SNRNP200: variants seen among roughly 807,000 people sequenced by gnomAD.
The protein encoded by SNRNP200 is U5 small nuclear ribonucleoprotein 200 kDa helicase.
A neutral mutation model predicts 255.2 loss-of-function variants in SNRNP200; 66 were observed. That is an observed-to-expected ratio of 0.26 (90% CI 0.21 to 0.32). SNRNP200 has a LOEUF of 0.32. Ranked by LOEUF, SNRNP200 falls within the 10% of genes least tolerant of loss-of-function variation. The pLI, the probability that SNRNP200 is intolerant of heterozygous loss-of-function variation, is 1.00. For missense variants in SNRNP200, 1,585 were observed against 2,749.8 expected, an observed-to-expected ratio of 0.58 and a Z score of 9.47; for synonymous variants, 939 against 1,027.8, an observed-to-expected ratio of 0.91 and a Z score of 1.65.
chr2:96,279,241 G>A, intron 36 of SNRNP200: 1 of 649,462 alleles, frequency 1.5e-6, no homozygotes, highest in Non-Finnish European at 2.7e-6. Flanking sequence ...AGTAGAGGGT[G>A]AAGACCTCAA....
chr2:96,290,176 A>G lies in SNRNP200; in HGVS notation c.2742+150T>C, dbSNP rs1558767933. On this transcript the variant is annotated intron_variant, in intron 20 of 44. Transcript: ENST00000323853. This position sits in a 1 kb window ranked among gnomAD's most constrained non-coding sequence, Gnocchi z 4.5. Reference sequence around the variant, plus strand: ...AAGCGTCTTCTAAGATCTTGGTAACAAGGGGAACTATCTGCCAGACCCAAG... The same window carrying G: ...AAGCGTCTTCTAAGATCTTGGTAACGAGGGGAACTATCTGCCAGACCCAAG... 9.5e-7 allele frequency: 1 copy of G among 1,057,874 alleles called. No homozygotes were observed. Among genetic ancestry groups the G allele is most frequent in the Non-Finnish European group, 1.5e-6 (1 of 677,530 alleles). The allele number at this position is 1,057,874 out of a possible 1,614,324, so 65.5% of individuals were successfully genotyped here.
chr2:96,286,582 G>T lies in SNRNP200; in HGVS notation c.3830-98C>A. The stretch of plus-strand genomic sequence containing the variant: ...AACACTGGAAACCTAGGCAGCATAT[G>T]TATCACTCTGTCCCCAGCAAGGGCA... On this transcript the variant is annotated intron_variant, in intron 28 of 44. Coordinates refer to ENST00000323853, the MANE Select transcript of SNRNP200 (RefSeq NM_014014.5). The surrounding 1 kb of genome is among the most constrained non-coding windows in gnomAD (Gnocchi z 4.8). The T allele has an allele frequency of 6.3e-7, 1 of 1,584,006 alleles. No individual in the cohort carries two copies. Among genetic ancestry groups the T allele is most frequent in the Non-Finnish European group, 8.6e-7 (1 of 1,156,872 alleles).
In SNRNP200 at chr2:96,289,791, C is replaced by T. The variant is rs2063872968; in HGVS notation, c.2940+8G>A. The T allele has an allele frequency of 6.2e-7, 1 of 1,613,656 alleles. No individual in the cohort carries two copies. The highest frequency in any genetic ancestry group is 1.3e-5 in the African/African-American group (1 of 74,884). Reference sequence around the variant, plus strand: ...AGACCTTTGCCTCAAAACCCTCACCCCACGCACCTGGAAGTTGCCCGTCTT... The same window carrying T: ...AGACCTTTGCCTCAAAACCCTCACCTCACGCACCTGGAAGTTGCCCGTCTT... On this transcript the variant is annotated splice_region_variant and intron_variant, in intron 21 of 44. Coordinates refer to ENST00000323853, the MANE Select transcript of SNRNP200 (RefSeq NM_014014.5).
chr2:96,297,822 G>T, intron 9 of SNRNP200, 102 bp from the exon 10 acceptor site: 1 of 1,226,326 alleles, frequency 8.2e-7, no homozygotes, highest in Non-Finnish European at 1.2e-6. Context: ...CACAGGTGCT[G>T]ACTAGTAAGT....
Position 96,301,637 on chromosome 2 carries a change from C to G in SNRNP200, c.461G>C (p.Arg154Pro). The change falls in exon 4 of 45, where the codon CGA (arginine) becomes CCA (proline). Residue 154 changes from arginine (R) to proline (P), a missense_variant. This residue lies in a region of SNRNP200 where 383 missense variants were observed against 645.3 expected (regional missense o/e 0.59). Transcript: ENST00000323853. The part of the protein sequence containing the change: ...KNEKLRDKER[R>P]KEIDLLLGQT... ...ACCCAGCAGCAGGTCAATCTCCTTT[C>G]GCCTTTCCTTGTCCCGCAGCTTTTC... 1 of 1,614,214 alleles carries G rather than the reference C, an allele frequency of 6.2e-7. No individual in the cohort carries two copies. Among genetic ancestry groups the G allele is most frequent in the Non-Finnish European group, 8.5e-7 (1 of 1,180,034 alleles).
chr2:96,298,730 A>G lies in SNRNP200; in HGVS notation c.883-28T>C, dbSNP rs201844975. 7.4e-6 allele frequency: 12 copies of G among 1,613,814 alleles called. No homozygotes were observed. In the East Asian group the frequency reaches 2.5e-4, roughly 33 times the overall value. ...GCAGAGAGCAGGTAACACCACCATT[A>G]AGGCCAAAGCCATCTGCCACTTCAT... On this transcript the variant is annotated intron_variant, in intron 7 of 44. Coordinates refer to ENST00000323853, the MANE Select transcript of SNRNP200 (RefSeq NM_014014.5).
In SNRNP200 at chr2:96,276,915, G is replaced by A. The variant is rs772983143; in HGVS notation, c.6163C>T (p.Leu2055Phe). 6.2e-7 allele frequency: 1 copy of A among 1,614,144 alleles called. No homozygotes were observed. Among genetic ancestry groups the A allele is most frequent in the Non-Finnish European group, 8.5e-7 (1 of 1,180,032 alleles). Residue 2055 changes from leucine (L) to phenylalanine (F), a missense_variant, in exon 43 of 45, where the codon CTC becomes TTC. Around this residue, in one of 9 missense-constraint regions of SNRNP200, gnomAD observed 279 missense variants for 551.2 expected, o/e 0.51. Coordinates refer to ENST00000323853, the MANE Select transcript of SNRNP200 (RefSeq NM_014014.5). The stretch of plus-strand genomic sequence containing the variant: ...CTACCAGGACGCACCTGCGGGAAGA[G>A]AGGCGCAATGACAGGGCCTGTGACT... ...EEVTGPVIAP[L>F]FPQKREEGWW...
Position 96,295,482 on chromosome 2 carries a change from A to G in SNRNP200, c.1842+6T>C. ...ACTCTATATTCTACGACTGCTCCCAACTCACCAGAATGATGAGCCGCACCA... is the reference window on the plus strand; with the variant it reads ...ACTCTATATTCTACGACTGCTCCCAGCTCACCAGAATGATGAGCCGCACCA... On this transcript the variant is annotated splice_donor_region_variant and intron_variant, in intron 14 of 44. Coordinates refer to ENST00000323853, the MANE Select transcript of SNRNP200 (RefSeq NM_014014.5). 3 of 1,613,180 alleles carry G rather than the reference A, an allele frequency of 1.9e-6. No individual in the cohort carries two copies. Among genetic ancestry groups the G allele is most frequent in the Non-Finnish European group, 2.5e-6 (3 of 1,179,926 alleles).
chr2:96,293,283 C>G (rs764786609), intron 15 of SNRNP200, 33 bp downstream of exon 15: 3 of 1,607,560 alleles, frequency 1.9e-6, no homozygotes, highest in Non-Finnish European at 2.6e-6. Flanking sequence ...GGATGGTCAC[C>G]TTGGCAGAAC....
Position 96,277,362 on chromosome 2 carries a change from C to G in SNRNP200, c.5932-121G>C. On this transcript the variant is annotated intron_variant, in intron 41 of 44. Coordinates refer to ENST00000323853, the MANE Select transcript of SNRNP200 (RefSeq NM_014014.5). This position sits in a 1 kb window ranked among gnomAD's most constrained non-coding sequence, Gnocchi z 4.4. ...TCAAGTCATCTAGATAAAACAGCTGCAGAAAGAACACAGCCCACAGTTGGC... is the reference window on the plus strand; with the variant it reads ...TCAAGTCATCTAGATAAAACAGCTGGAGAAAGAACACAGCCCACAGTTGGC... 14 of 1,301,160 alleles carry G rather than the reference C, an allele frequency of 1.1e-5. No individual in the cohort carries two copies. The highest frequency in any genetic ancestry group is 1.4e-5 in the Non-Finnish European group (13 of 904,526). 80.6% of individuals were successfully genotyped at this position (1,301,160 alleles called of 1,614,324 possible). A position where few individuals can be genotyped will look rare whatever the true frequency, so the allele number is the denominator to read the frequency against.
At chr2:96,288,577 G>T in intron 24 of SNRNP200, 86 bp downstream of exon 24, 1 of 1,209,910 alleles carries the variant, frequency 8.3e-7, no homozygotes, top group Non-Finnish European at 1.2e-6. Flanking sequence ...CTAGGGTCGG[G>T]CCTCCTTTCC....
chr2:96,286,670 TGGAGA>T lies in SNRNP200; in HGVS notation c.3829+13_3829+17del. The T allele has an allele frequency of 6.2e-7, 1 of 1,612,544 alleles. No individual in the cohort carries two copies. Among genetic ancestry groups the T allele is most frequent in the Non-Finnish European group, 8.5e-7 (1 of 1,179,724 alleles). ...TTGGAGGGACTGTTCCTGGGGACTC[TGGAGA>T]GGAGACACTCACAGAGCCAGCGGTC... On this transcript the variant is annotated intron_variant, in intron 28 of 44. Transcript: ENST00000323853. The surrounding 1 kb of genome is among the most constrained non-coding windows in gnomAD (Gnocchi z 4.8).
chr2:96,289,973 A>G lies in SNRNP200; in HGVS notation c.2766T>C (p.Tyr922=). 1.2e-6 allele frequency: 2 copies of G among 1,614,220 alleles called. No homozygotes were observed. Among genetic ancestry groups the G allele is most frequent in the South Asian group, 2.2e-5 (2 of 91,084 alleles). Residue 922 remains tyrosine, a synonymous_variant, in exon 21 of 45, where the codon TAT becomes TAC. Coordinates refer to ENST00000323853, the MANE Select transcript of SNRNP200 (RefSeq NM_014014.5). ...NAKDAVNWLG[Y]AYLYIRMLRS... is the part of the protein sequence containing the mutation. Reference sequence around the variant, plus strand: ...GCAGCATTCGGATATAGAGGTAGGCATAGCCCAGCCAGTTCACCGCATCCT... The same window carrying G: ...GCAGCATTCGGATATAGAGGTAGGCGTAGCCCAGCCAGTTCACCGCATCCT...
In SNRNP200 at chr2:96,276,015, G is replaced by C. The variant is rs986399520; in HGVS notation, c.6175-666C>G. On this transcript the variant is annotated intron_variant, in intron 43 of 44. Coordinates refer to ENST00000323853, the MANE Select transcript of SNRNP200 (RefSeq NM_014014.5). ...AGCGAGACTCCGTCTCAAAAAAAAA[G>C]AAAAAGCTTAACACAGAGCTGAATG... 1.1e-4 allele frequency among the ~76,000 whole-genome samples: 16 copies of C among 152,268 alleles called. No homozygotes were observed. In the East Asian group the frequency reaches 3.1e-3, roughly 29 times the overall value.
chr2:96,304,689 T>A lies in SNRNP200; in HGVS notation c.209+16A>T, dbSNP rs778356976. The A allele has an allele frequency of 7.4e-6, 12 of 1,613,874 alleles. No homozygotes were observed. The highest frequency in any genetic ancestry group is 8.5e-6 in the Non-Finnish European group (10 of 1,179,876). ...TTTGGATCTGAAGGAAAAAATAGTA[T>A]CCCCTTGGCACTCACTTGGCTCTTC... On this transcript the variant is annotated intron_variant, in intron 2 of 44. Transcript: ENST00000323853.
chr2:96,294,064 G>C (rs1008991044), intron 14 of SNRNP200, among the ~76,000 whole-genome samples: 1 of 149,494 alleles, frequency 6.7e-6, no homozygotes, highest in Non-Finnish European at 1.5e-5. Flanking sequence ...CATGGATCAG[G>C]CTTCAAGTAG....
chr2:96,291,596 C>G lies in SNRNP200; in HGVS notation c.2311-94G>C, dbSNP rs1365759220. The G allele has an allele frequency of 3.2e-6, 4 of 1,247,602 alleles. No homozygotes were observed. The highest frequency in any genetic ancestry group is 4.7e-6 in the Non-Finnish European group (4 of 850,326). The allele number at this position is 1,247,602 out of a possible 1,614,324, so 77.3% of individuals were successfully genotyped here. ...CCTCCCATGAGACCCTGCCCCTTAA[C>G]TATTATGTGGAATAGTAATAATCAC... On this transcript the variant is annotated intron_variant, in intron 17 of 44. Coordinates refer to ENST00000323853, the MANE Select transcript of SNRNP200 (RefSeq NM_014014.5). This position sits in a 1 kb window ranked among gnomAD's most constrained non-coding sequence, Gnocchi z 4.2.
Position 96,278,733 on chromosome 2 carries a change from G to A in SNRNP200, c.5324-22C>T, listed in dbSNP as rs1318180379. 2.5e-6 allele frequency: 4 copies of A among 1,614,088 alleles called. No individual in the cohort carries two copies. The highest frequency in any genetic ancestry group is 3.4e-6 in the Non-Finnish European group (4 of 1,180,046). ...ATGCCTATGGAGGCGAGAGGTGAGTGGGGAGCCTCAAGAAGATGCCCAGCA... is the reference window on the plus strand; with the variant it reads ...ATGCCTATGGAGGCGAGAGGTGAGTAGGGAGCCTCAAGAAGATGCCCAGCA... On this transcript the variant is annotated intron_variant, in intron 37 of 44. Coordinates refer to ENST00000323853, the MANE Select transcript of SNRNP200 (RefSeq NM_014014.5). This position sits in a 1 kb window ranked among gnomAD's most constrained non-coding sequence, Gnocchi z 6.9.
Position 96,304,942 on chromosome 2 carries a change from G to A in SNRNP200, c.46-74C>T, listed in dbSNP as rs565492893. ...TCCTACTATCATAGTTACCCCAGCT[G>A]ATGGAAAAAATCGTAGTAACTAGTT... On this transcript the variant is annotated intron_variant, in intron 1 of 44. Coordinates refer to ENST00000323853, the MANE Select transcript of SNRNP200 (RefSeq NM_014014.5). 527 of 1,540,620 alleles carry A rather than the reference G, an allele frequency of 3.4e-4. 13 individuals carry two copies. In the South Asian group the frequency reaches 4.8e-3, roughly 14 times the overall value.
Sources: allele counts gnomAD v4.1 joint callset (sites outside exome capture counted in the v4.1 genomes callset), GRCh38; gene constraint gnomAD v4.1.1; regional missense constraint gnomAD v4.1.1; non-coding constraint Gnocchi (gnomAD v3.1); transcripts MANE v1.5; gene names NCBI Gene and HGNC (gene_info 2026-07-23, HGNC 2026-07-21).